IP6K2: variants seen among roughly 807,000 people sequenced by gnomAD.
The protein encoded by IP6K2 is inositol hexakisphosphate kinase 2.
A neutral mutation model predicts 43.3 loss-of-function variants in IP6K2; 9 were observed. The observed-to-expected ratio is 0.21, with a 90% CI of 0.13 to 0.36. The LOEUF is 0.36. IP6K2 is among the 10% of genes least tolerant of loss of function. The pLI is 1.00. For synonymous variants in IP6K2, 209 were observed against 202.4 expected, an observed-to-expected ratio of 1.03 and a Z score of -0.28; for missense variants, 332 against 538.4, an observed-to-expected ratio of 0.62 and a Z score of 3.79.
intron 3 of IP6K2, 77 bp downstream of exon 3, chr3:48,692,877 A>G: frequency 9.7e-7 from 1 of 1,033,556 alleles, no homozygotes; most frequent in Non-Finnish European, 1.5e-6. Flanking sequence ...CCTTAGCTCC[A>G]GGGAACTGGG....
At chr3:48,706,185 C>T (rs2079758379) in intron 1 of IP6K2, among the ~76,000 whole-genome samples, 1 of 151,866 alleles carries the variant, frequency 6.6e-6, no homozygotes, top group South Asian at 2.1e-4. Flanking sequence ...CCAGCCTGAG[C>T]TACAAGAGTG....
chr3:48,690,352 A>C (rs999394481), intron 4 of IP6K2, among the ~76,000 whole-genome samples: 16 of 152,172 alleles, frequency 1.1e-4, no homozygotes, highest in African/African-American at 3.9e-4. Flanking sequence ...AAATAGATAA[A>C]AGGCTAGGCG....
At chr3:48,714,187 A>C (rs1330634100) in intron 1 of IP6K2, among the ~76,000 whole-genome samples, 1 of 152,184 alleles carries the variant, frequency 6.6e-6, no homozygotes, top group African/African-American at 2.4e-5. Flanking sequence ...AAATTTGTTT[A>C]GTTTTGTTTT....
At chr3:48,709,123 C>A (rs1372396553) in intron 1 of IP6K2, among the ~76,000 whole-genome samples, 2 of 152,226 alleles carry the variant, frequency 1.3e-5, no homozygotes, top group Admixed American at 6.5e-5. Context: ...ATGTTTCCTG[C>A]CAGTGGGCAA....
chr3:48,688,795 G>A lies in IP6K2; in HGVS notation c.781-22C>T, dbSNP rs1369242060. 4 of 1,581,314 alleles carry A rather than the reference G, an allele frequency of 2.5e-6. No individual in the cohort carries two copies. On this transcript the variant is annotated intron_variant, in intron 5 of 5. Transcript: ENST00000328631. This position sits in a 1 kb window ranked among gnomAD's most constrained non-coding sequence, Gnocchi z 5.1. Reference sequence around the variant, plus strand: ...ACACCTGTAGGAGAGAGACCAGCAAGTCAGGGGCTGAGGGCCATCTCAAAC... The same window carrying A: ...ACACCTGTAGGAGAGAGACCAGCAAATCAGGGGCTGAGGGCCATCTCAAAC...
At chr3:48,708,323 G>A (rs923226564) in intron 1 of IP6K2, 1 of 151,962 alleles carries the variant, frequency 6.6e-6, no homozygotes, top group Non-Finnish European at 1.5e-5. Flanking sequence ...GAATTATAAA[G>A]AATTTAAGCA....
At chr3:48,711,595 T>C (rs1015092490) in intron 1 of IP6K2, 1 of 152,200 alleles carries the variant, frequency 6.6e-6, no homozygotes, top group Admixed American at 6.5e-5. Flanking sequence ...GAAGAACAGA[T>C]ACTGTTCAAG....
intron 1 of IP6K2, among the ~76,000 whole-genome samples, chr3:48,704,476 C>T: frequency 6.8e-6 from 1 of 146,188 alleles, no homozygotes. Flanking sequence ...TTATGATACA[C>T]TTTTTTTTTT....
intron 1 of IP6K2, among the ~76,000 whole-genome samples, chr3:48,701,342 G>A (rs1276887715): frequency 7.2e-5 from 11 of 152,092 alleles, no homozygotes; most frequent in Admixed American, 1.3e-4. Context: ...TGAGGCGGGC[G>A]GATTGCCTGA....
chr3:48,689,259 T>G (rs2077572378), intron 5 of IP6K2, among the ~76,000 whole-genome samples: 1 of 152,138 alleles, frequency 6.6e-6, no homozygotes, highest in Non-Finnish European at 1.5e-5. Flanking sequence ...TTCAAGCTGT[T>G]TTCATGCCTC....
intron 5 of IP6K2, among the ~76,000 whole-genome samples, chr3:48,689,256 T>C (rs888971250): frequency 8.5e-5 from 13 of 152,166 alleles, no homozygotes; most frequent in African/African-American, 2.7e-4. Flanking sequence ...GGGTTCAAGC[T>C]GTTTTCATGC....
rs1048940 is a variant in IP6K2 at position 48,688,274 on chromosome 3, C to T, written c.1280G>A (p.Ter427=). The stretch of plus-strand genomic sequence containing the variant: ...CAAGTACTGGAGCAGCTAGCAAGCT[C>T]ACTCCCCACTCTCCTCACTTATCTC... The part of the protein sequence containing the change: ...VTEISEESGE[*] The change falls in exon 6 of 6, where the codon TGA becomes TAA. Residue 427 remains the stop codon, a stop_retained_variant. Coordinates refer to ENST00000328631, the MANE Select transcript of IP6K2 (RefSeq NM_016291.4). This position sits in a 1 kb window ranked among gnomAD's most constrained non-coding sequence, Gnocchi z 5.1. 0.081 allele frequency: 130,640 copies of T among 1,611,744 alleles called. 5,995 individuals carry two copies. The highest frequency in any genetic ancestry group is 0.095 in the Non-Finnish European group (112,231 of 1,177,940).
chr3:48,703,548 C>CAAAAAAAAA (rs35725171), intron 1 of IP6K2, among the ~76,000 whole-genome samples: 4 of 69,864 alleles, frequency 5.7e-5, no homozygotes, highest in Admixed American at 1.7e-4. Context: ...ACTAAAAATA[C>CAAAAAAAAA]AAAAAAAAAA....
chr3:48,694,579 G>T, intron 2 of IP6K2: 1 of 1,524,490 alleles, frequency 6.6e-7, no homozygotes, highest in Non-Finnish European at 8.8e-7. Flanking sequence ...GAATCGAAGG[G>T]TTGCTTTCAT....
At chr3:48,702,341 G>A (rs1041409757) in intron 1 of IP6K2, among the ~76,000 whole-genome samples, 13 of 152,106 alleles carry the variant, frequency 8.5e-5, no homozygotes, top group Admixed American at 7.2e-4. Context: ...ATGTACCTCA[G>A]GGCCTTTGTA....
chr3:48,711,671 T>G (rs140747111), intron 1 of IP6K2, among the ~76,000 whole-genome samples: 13 of 152,344 alleles, frequency 8.5e-5, no homozygotes, highest in African/African-American at 3.1e-4. Context: ...ATTGAAAATG[T>G]TTAATAAGAA....
chr3:48,714,180 T>C (rs1277482173), intron 1 of IP6K2, among the ~76,000 whole-genome samples: 1 of 152,062 alleles, frequency 6.6e-6, no homozygotes, highest in Non-Finnish European at 1.5e-5. Flanking sequence ...ATCCCAGAAA[T>C]TTGTTTAGTT....
At chr3:48,707,536 G>C (rs1049554834) in intron 1 of IP6K2, among the ~76,000 whole-genome samples, 4 of 152,206 alleles carry the variant, frequency 2.6e-5, no homozygotes, top group African/African-American at 9.6e-5. Flanking sequence ...CCAGGTTCAA[G>C]GGATTCTCCT....
chr3:48,707,126 C>T (rs561953369), intron 1 of IP6K2, among the ~76,000 whole-genome samples: 4 of 152,106 alleles, frequency 2.6e-5, no homozygotes, highest in Admixed American at 2.0e-4. Flanking sequence ...CATGATTGCC[C>T]GCTTTTCAGT....
Sources: allele counts gnomAD v4.1 joint callset (sites outside exome capture counted in the v4.1 genomes callset), GRCh38; gene constraint gnomAD v4.1.1; non-coding constraint Gnocchi (gnomAD v3.1); transcripts MANE v1.5; gene names NCBI Gene and HGNC (gene_info 2026-07-23, HGNC 2026-07-21).